The following TGS1 variants were observed in gnomAD, a reference collection of about 807,000 sequenced individuals.
The protein encoded by TGS1 is trimethylguanosine synthase 1, also known as trimethylguanosine synthase.
A neutral mutation model predicts 92.2 loss-of-function variants in TGS1; 69 were observed. The ratio of observed to expected loss-of-function variants is 0.75; its 90% CI spans 0.62 to 0.91. The LOEUF (loss-of-function observed/expected upper bound fraction) is 0.91. TGS1 is among the 40% of genes least tolerant of loss of function. The pLI is 0.00. For missense variants in TGS1, 1,062 were observed against 1,001.2 expected (o/e 1.06, Z -0.82); for synonymous variants, 345 against 338.1 (o/e 1.02, Z -0.22).
At position 55,790,098 on chromosome 8, in the gene TGS1, A is replaced by G. The variant is rs1479158030; in HGVS notation, c.1163-84A>G. ...TACAGTTCATTGTAGAAAAGGTGCT[A>G]AAATATTTTCATTGGCTTTGCAAAT... On this transcript the variant is annotated intron_variant, in intron 4 of 12. Coordinates refer to ENST00000260129, the MANE Select transcript of TGS1 (RefSeq NM_024831.8). 8 of 979,862 alleles carry G rather than the reference A, an allele frequency of 8.2e-6. No individual in the cohort carries two copies. The East Asian group carries it at 9.6e-5, about 12-fold the overall frequency. The allele number at this position is 979,862 out of a possible 1,614,324, so 60.7% of individuals were successfully genotyped here.
intron 12 of TGS1, among the ~76,000 whole-genome samples, chr8:55,815,988 C>A (rs564762582): frequency 3.3e-5 from 5 of 151,768 alleles, no homozygotes; most frequent in African/African-American, 1.2e-4. Context: ...CTCTCTGTCA[C>A]GCAGACTGGA....
chr8:55,812,937 A>T, intron 11 of TGS1, 103 bp from the exon 12 acceptor site: 3 of 891,008 alleles, frequency 3.4e-6, no homozygotes, highest in Admixed American at 2.5e-5. Context: ...TTTGCCTTTT[A>T]GTTACATTTT....
At position 55,809,724 on chromosome 8, in the gene TGS1, C is replaced by T. The variant is rs566022436; in HGVS notation, c.2144-1157C>T. ...TGCTGGGATTACAGGCATGAGCCAC[C>T]GTGCCCAGCCAGCATTTCTTTTATG... On this transcript the variant is annotated intron_variant, in intron 10 of 12. Transcript: ENST00000260129. Among the ~76,000 whole-genome samples, 55 of 152,320 alleles carry T rather than the reference C, an allele frequency of 3.6e-4. 1 individual carries two copies. Among genetic ancestry groups the T allele is most frequent in the African/African-American group, 1.3e-3 (52 of 41,578 alleles).
At chr8:55,824,484 C>A in intron 12 of TGS1, 97 bp from the exon 13 acceptor site, 1 of 1,508,076 alleles carries the variant, frequency 6.6e-7, no homozygotes, top group Non-Finnish European at 9.0e-7. Context: ...GACTTAAAAG[C>A]CAGAGTCTTC....
chr8:55,796,038 G>A lies in TGS1; in HGVS notation c.1428G>A (p.Lys476=). The A allele has an allele frequency of 6.2e-7, 1 of 1,613,576 alleles. No individual in the cohort carries two copies. The highest frequency in any genetic ancestry group is 8.5e-7 in the Non-Finnish European group (1 of 1,179,662). Residue 476 remains lysine (K), a synonymous_variant, in exon 7 of 13, where the codon AAG becomes AAA. Coordinates refer to ENST00000260129, the MANE Select transcript of TGS1 (RefSeq NM_024831.8). ...RQVRYLEKNV[K]LKSKYLDMRR... is the part of the protein sequence containing the mutation. ...TCAGGTATTTAGAGAAGAATGTGAAGCTTAAGTCTAAGTACCTAGACATGC... is the reference window on the plus strand; with the variant it reads ...TCAGGTATTTAGAGAAGAATGTGAAACTTAAGTCTAAGTACCTAGACATGC...
intron 10 of TGS1, among the ~76,000 whole-genome samples, chr8:55,809,727 G>T (rs1345665750): frequency 6.6e-6 from 1 of 152,172 alleles, no homozygotes; most frequent in Non-Finnish European, 1.5e-5. Context: ...GAGCCACCGT[G>T]CCCAGCCAGC....
At chr8:55,777,182 A>AT (rs927387095) in intron 1 of TGS1, among the ~76,000 whole-genome samples, 1 of 150,436 alleles carries the variant, frequency 6.6e-6, no homozygotes, top group African/African-American at 2.4e-5. Flanking sequence ...TGATTTTTTT[A>AT]TTTTTTGTAG....
intron 1 of TGS1, among the ~76,000 whole-genome samples, chr8:55,776,559 G>T (rs1398264398): frequency 6.6e-6 from 1 of 152,164 alleles, no homozygotes; most frequent in African/African-American, 2.4e-5. Context: ...GATTACAGGC[G>T]TGAGCCACTG....
In TGS1 at chr8:55,773,484, G is replaced by A. The variant is rs1353226925; in HGVS notation, c.-135G>A. Reference sequence around the variant, plus strand: ...GCGTCCGGGCTAGTTCCCGGCGCGAGCGGCCGCGGGCCAGTTTCTATCTCC... The same window carrying A: ...GCGTCCGGGCTAGTTCCCGGCGCGAACGGCCGCGGGCCAGTTTCTATCTCC... On this transcript the variant is annotated 5_prime_UTR_variant, in exon 1 of 13. Transcript: ENST00000260129. 8.4e-6 allele frequency: 5 copies of A among 597,696 alleles called. No homozygotes were observed. The highest frequency in any genetic ancestry group is 1.4e-5 in the Non-Finnish European group (5 of 361,166). The allele number at this position is 597,696 out of a possible 1,614,324, so 37.0% of individuals were successfully genotyped here.
chr8:55,795,064 A>G (rs1188949465), intron 6 of TGS1, among the ~76,000 whole-genome samples: 1 of 152,244 alleles, frequency 6.6e-6, no homozygotes, highest in Non-Finnish European at 1.5e-5. Flanking sequence ...TCAATAGTTC[A>G]TATAATCATT....
intron 1 of TGS1, among the ~76,000 whole-genome samples, chr8:55,777,476 G>A (rs987694643): frequency 6.6e-6 from 1 of 151,882 alleles, no homozygotes; most frequent in Admixed American, 6.6e-5. Context: ...TTTGCCCATT[G>A]GCTATCTTCA....
At chr8:55,795,658 G>A (rs1025542645) in intron 6 of TGS1, among the ~76,000 whole-genome samples, 6 of 152,100 alleles carry the variant, frequency 3.9e-5, no homozygotes, top group African/African-American at 1.2e-4. Context: ...TCCCTAACAA[G>A]GGGATAGGGT....
intron 7 of TGS1, 42 bp downstream of exon 7, chr8:55,796,194 T>A (rs756570074): frequency 5.5e-6 from 8 of 1,457,712 alleles, no homozygotes; most frequent in Middle Eastern, 2.4e-4. Context: ...TAGAATCATG[T>A]TTTGTAAGTT....
chr8:55,794,542 T>C lies in TGS1; in HGVS notation c.1368-1436T>C, dbSNP rs111699284. On this transcript the variant is annotated intron_variant, in intron 6 of 12. Transcript: ENST00000260129. ...ACTTTGGGAAGCTGAGGTAAGAAGA[T>C]TGCCTGAAGCCAGAGGTTGAGACTA... Among the ~76,000 whole-genome samples the C allele has an allele frequency of 5.8e-3, 889 of 152,228 alleles. 5 individuals are homozygous for C. The highest frequency in any genetic ancestry group is 0.02 in the African/African-American group (835 of 41,534).
At chr8:55,794,791 G>T (rs1811994380) in intron 6 of TGS1, among the ~76,000 whole-genome samples, 2 of 152,142 alleles carry the variant, frequency 1.3e-5, no homozygotes, top group African/African-American at 2.4e-5. Context: ...GCTAAAGACA[G>T]CTTACACCAG....
chr8:55,800,245 A>G (rs1375242373), intron 8 of TGS1, among the ~76,000 whole-genome samples: 2 of 151,972 alleles, frequency 1.3e-5, no homozygotes, highest in South Asian at 2.1e-4. Context: ...AGTAGTTTAC[A>G]TTTATTTTAT....
intron 10 of TGS1, among the ~76,000 whole-genome samples, chr8:55,808,443 C>T (rs1167090002): frequency 6.6e-5 from 10 of 151,882 alleles, no homozygotes. Flanking sequence ...GCAAAGAAAT[C>T]TGAAAATTTT....
intron 3 of TGS1, 122 bp downstream of exon 3, chr8:55,786,013 G>A: frequency 3.7e-6 from 3 of 809,170 alleles, no homozygotes; most frequent in Non-Finnish European, 3.8e-6. Flanking sequence ...CTTTTTAAAT[G>A]TATGTATTTA....
intron 4 of TGS1, 118 bp from the exon 5 acceptor site, chr8:55,790,064 A>G: frequency 1.5e-6 from 1 of 685,816 alleles, no homozygotes. Context: ...TGGCACTTTG[A>G]TGCACATGTA....
Sources: gnomAD v4.1 joint callset for allele counts (sites outside exome capture counted in the v4.1 genomes callset) on GRCh38, gnomAD v4.1.1 for gene constraint, MANE v1.5 for transcripts, NCBI Gene and HGNC (gene_info 2026-07-23, HGNC 2026-07-21) for gene names.